The following NFATC3 variants were observed in gnomAD, a reference collection of about 807,000 sequenced individuals.
The protein encoded by NFATC3 is nuclear factor of activated T cells 3.
Under a neutral mutation model 98.6 loss-of-function variants are expected in NFATC3, and 46 were observed. The observed-to-expected ratio is 0.47, with a 90% confidence interval of 0.37 to 0.60. The LOEUF is 0.60. NFATC3 is among the 20% of genes least tolerant of loss of function. NFATC3 has a pLI of 0.00. For missense variants in NFATC3, 1,256 were observed against 1,295.5 expected, an observed-to-expected ratio of 0.97 and a Z score of 0.47; for synonymous variants, 512 against 472.2, an observed-to-expected ratio of 1.08 and a Z score of -1.09.
intron 1 of NFATC3, among the ~76,000 whole-genome samples, chr16:68,121,152 T>G (rs1032501842): frequency 1.3e-5 from 2 of 151,868 alleles, no homozygotes. Flanking sequence ...ATAAGGGATA[T>G]TCAGCCTGTG....
rs532860467 is a variant in NFATC3, at chr16:68,153,423, CA to C, written c.1402-4440del. ...GGTGACAGAGTGAGACTCCATCCCC[CA>C]AAAAAGAAAAAGTTAGATAGCAAAG... On this transcript the variant is annotated intron_variant, in intron 3 of 9. Transcript: ENST00000346183. Among the ~76,000 whole-genome samples the C allele has an allele frequency of 3.1e-3, 473 of 151,852 alleles. 5 individuals are homozygous for C. Among genetic ancestry groups the C allele is most frequent in the African/African-American group, 0.011 (456 of 41,392 alleles).
intron 3 of NFATC3, among the ~76,000 whole-genome samples, chr16:68,128,642 A>G (rs1474568119): frequency 6.6e-6 from 1 of 152,152 alleles, no homozygotes; most frequent in Non-Finnish European, 1.5e-5. Context: ...ATTTTAAAAG[A>G]TTAAAAAAAC....
intron 9 of NFATC3, among the ~76,000 whole-genome samples, chr16:68,193,930 T>C (rs1248244222): frequency 8.9e-6 from 1 of 112,802 alleles, no homozygotes; most frequent in Admixed American, 9.6e-5. Flanking sequence ...GGGTCCGGGG[T>C]GGGGGATGGG....
At chr16:68,111,723 G>A (rs886945144) in intron 1 of NFATC3, among the ~76,000 whole-genome samples, 3 of 152,110 alleles carry the variant, frequency 2.0e-5, no homozygotes, top group Non-Finnish European at 4.4e-5. Flanking sequence ...AGTGTCATTC[G>A]TCTGTGTACT....
Position 68,146,296 on chromosome 16 carries a change from G to A in NFATC3, c.1402-11573G>A, listed in dbSNP as rs1358393604. On this transcript the variant is annotated intron_variant, in intron 3 of 9. Coordinates refer to ENST00000346183, the MANE Select transcript of NFATC3 (RefSeq NM_173165.3). Reference sequence around the variant, plus strand: ...AGAATAAAAGTTTTAGCCAGGTGTAGTGATGTGATTCTGTAATCCCAGTTA... The same window carrying A: ...AGAATAAAAGTTTTAGCCAGGTGTAATGATGTGATTCTGTAATCCCAGTTA... Among the ~76,000 whole-genome samples, 10 of 152,062 alleles carry A rather than the reference G, an allele frequency of 6.6e-5. No individual in the cohort carries two copies. In the East Asian group the frequency reaches 1.9e-3, roughly 29 times the overall value.
intron 1 of NFATC3, among the ~76,000 whole-genome samples, chr16:68,116,992 C>T (rs898973748): frequency 1.3e-5 from 2 of 152,046 alleles, no homozygotes; most frequent in African/African-American, 4.8e-5. Context: ...CTTGTTTTTC[C>T]TGTCTCTCCT....
intron 5 of NFATC3, among the ~76,000 whole-genome samples, chr16:68,171,554 A>G (rs1202333968): frequency 2.6e-5 from 4 of 151,462 alleles, no homozygotes; most frequent in South Asian, 2.1e-4. Flanking sequence ...GCTAGCTGCA[A>G]TCTTCGCCTC....
At position 68,122,229 on chromosome 16, in the gene NFATC3, A is replaced by C. The variant is rs771954147; in HGVS notation, c.346A>C (p.Ile116Leu). ...FECPSIQITS[I>L]SPNCHQELDA... is the part of the protein sequence containing the mutation. ...GTGCCCAAGTATTCAAATTACATCT[A>C]TCTCTCCTAACTGTCATCAAGAATT... The change falls in exon 2 of 10, where the codon ATC becomes CTC. Residue 116 changes from isoleucine (I) to leucine (L), a missense_variant. Physicochemically the swap from Ile to Leu is conservative, Grantham distance 5. This residue lies in a region of NFATC3 where 464 missense variants were observed against 465.7 expected (regional missense o/e 1.00). Coordinates refer to ENST00000346183, the MANE Select transcript of NFATC3 (RefSeq NM_173165.3). 2.5e-6 allele frequency: 4 copies of C among 1,614,074 alleles called. No homozygotes were observed. The highest frequency in any genetic ancestry group is 2.7e-5 in the African/African-American group (2 of 75,010).
rs186603999 is a variant in NFATC3 at position 68,154,801 on chromosome 16, T to G, written c.1402-3068T>G. On this transcript the variant is annotated intron_variant, in intron 3 of 9. Transcript: ENST00000346183. The stretch of plus-strand genomic sequence containing the variant: ...CTGTGGAAAGGGTAAGGCCAACAGT[T>G]CAGCCAGGGCCCTAATCACCTTATG... Among the ~76,000 whole-genome samples, 392 of 152,334 alleles carry G rather than the reference T, an allele frequency of 2.6e-3. 2 individuals are homozygous for G. Among genetic ancestry groups the G allele is most frequent in the South Asian group, 0.015 (73 of 4,822 alleles).
chr16:68,141,138 C>G (rs1226134494), intron 3 of NFATC3, among the ~76,000 whole-genome samples: 2 of 152,104 alleles, frequency 1.3e-5, no homozygotes, highest in Admixed American at 1.3e-4. Context: ...AAGACATTAT[C>G]TCATTTTTTT....
At chr16:68,142,817 A>G (rs146772067) in intron 3 of NFATC3, among the ~76,000 whole-genome samples, 114 of 152,160 alleles carry the variant, frequency 7.5e-4, no homozygotes, top group East Asian at 3.9e-4. Context: ...TCCTAGGTAT[A>G]TGATCGTATC....
rs2036840398 is a variant in NFATC3 at position 68,126,492 on chromosome 16, T to G, written c.1283T>G (p.Phe428Cys). 6.2e-7 allele frequency: 1 copy of G among 1,614,004 alleles called. No individual in the cohort carries two copies. Among genetic ancestry groups the G allele is most frequent in the Non-Finnish European group, 8.5e-7 (1 of 1,179,974 alleles). The change falls in exon 3 of 10, where the codon TTT (phenylalanine) becomes TGT (cysteine). Residue 428 changes from phenylalanine (F) to cysteine (C), a missense_variant. This residue lies in a region of NFATC3 where 156 missense variants were observed against 212.4 expected (regional missense o/e 0.73). Transcript: ENST00000346183. ...PPLDWPLPAH[F>C]GQCELKIEVQ... is the part of the protein sequence containing the mutation. ...CTAGACTGGCCTTTACCAGCTCATT[T>G]TGGACAATGTGAACTGAAAATAGAA...
chr16:68,182,750 C>T (rs2040002780), intron 7 of NFATC3, among the ~76,000 whole-genome samples: 1 of 152,104 alleles, frequency 6.6e-6, no homozygotes, highest in Non-Finnish European at 1.5e-5. Flanking sequence ...AACTCCTGAC[C>T]TCAAGTGATC....
intron 9 of NFATC3, among the ~76,000 whole-genome samples, chr16:68,213,802 C>T (rs1016174897): frequency 2.0e-5 from 3 of 152,200 alleles, no homozygotes; most frequent in Non-Finnish European, 2.9e-5. Flanking sequence ...GCACTCCAGC[C>T]TGGGTGACAG....
At chr16:68,144,173 G>C (rs1381922516) in intron 3 of NFATC3, among the ~76,000 whole-genome samples, 2 of 152,118 alleles carry the variant, frequency 1.3e-5, no homozygotes. Context: ...TAGAAAAGAT[G>C]CCAAAGACAT....
In NFATC3 at chr16:68,174,498, T is replaced by C; in HGVS notation, c.1899T>C (p.Phe633=). The change falls in exon 6 of 10, where the codon TTT becomes TTC. Residue 633 remains phenylalanine (F), a synonymous_variant. Transcript: ENST00000346183. ...SNFLPESKII[F]LEKGQDGRPQ... ...TTCTTCCAGAATCCAAAATCATTTTTCTTGAAAAAGGACAAGGTAAGTAAT... is the reference window on the plus strand; with the variant it reads ...TTCTTCCAGAATCCAAAATCATTTTCCTTGAAAAAGGACAAGGTAAGTAAT... The C allele has an allele frequency of 6.2e-7, 1 of 1,600,936 alleles. No individual in the cohort carries two copies.
intron 5 of NFATC3, 103 bp downstream of exon 5, chr16:68,167,118 A>G (rs2039231547): frequency 8.3e-7 from 1 of 1,207,500 alleles, no homozygotes; most frequent in South Asian, 1.6e-5. Context: ...ACTGAGGCAT[A>G]CAATCTGGGT....
chr16:68,164,328 C>G (rs891626336), intron 4 of NFATC3, among the ~76,000 whole-genome samples: 36 of 152,216 alleles, frequency 2.4e-4, no homozygotes, highest in Admixed American at 4.6e-4. Flanking sequence ...TGCAGTGAGC[C>G]GAGATGGCAG....
At chr16:68,128,828 G>A (rs989826066) in intron 3 of NFATC3, among the ~76,000 whole-genome samples, 1 of 150,510 alleles carries the variant, frequency 6.6e-6, no homozygotes, top group African/African-American at 2.4e-5. Context: ...AAAAACAAAA[G>A]CAGAACTGGT....
Sources: gnomAD v4.1 joint callset for allele counts (sites outside exome capture counted in the v4.1 genomes callset) on GRCh38, gnomAD v4.1.1 for gene constraint, gnomAD v4.1.1 regional missense constraint, MANE v1.5 for transcripts, NCBI Gene and HGNC (gene_info 2026-07-23, HGNC 2026-07-21) for gene names.